The following SAMMSON variants were observed in gnomAD, a reference collection of about 807,000 sequenced individuals.
SAMMSON encodes long intergenic non-protein coding RNA 1212.
At chr3:70,007,334 G>A (rs866451391) in intron 1 of SAMMSON, among the ~76,000 whole-genome samples, 12 of 152,104 alleles carry the variant, frequency 7.9e-5, no homozygotes, top group Non-Finnish European at 1.6e-4. Context: ...TTTAATGATC[G>A]CCATTCTAAC....
intron 7 of SAMMSON, among the ~76,000 whole-genome samples, chr3:70,343,847 A>G (rs1034145269): frequency 4.6e-5 from 7 of 150,836 alleles, no homozygotes; most frequent in Admixed American, 3.3e-4. Flanking sequence ...TTATGTATTC[A>G]TTTATTTATT....
At chr3:70,235,433 C>T (rs1701598032) in intron 4 of SAMMSON, among the ~76,000 whole-genome samples, 1 of 152,156 alleles carries the variant, frequency 6.6e-6, no homozygotes. Flanking sequence ...TTAAACTGAC[C>T]TTTCAAAGCT....
At chr3:70,008,335 G>C (rs529843572) in intron 1 of SAMMSON, among the ~76,000 whole-genome samples, 2 of 152,114 alleles carry the variant, frequency 1.3e-5, no homozygotes, top group African/African-American at 2.4e-5. Flanking sequence ...GCGGTGGTTT[G>C]TAGTTCTCCT....
chr3:70,098,663 G>A (rs1024525525), intron 4 of SAMMSON, among the ~76,000 whole-genome samples: 5 of 152,078 alleles, frequency 3.3e-5, no homozygotes, highest in African/African-American at 7.2e-5. Context: ...CACCACGCCC[G>A]GCCTCTTTTT....
At chr3:70,395,331 CTTT>C (rs71126501) in intron 2 of SAMMSON, among the ~76,000 whole-genome samples, 18 of 113,614 alleles carry the variant, frequency 1.6e-4, no homozygotes, top group African/African-American at 5.6e-4. Context: ...CTCTCTCTCT[CTTT>C]TTTTTTTTTT....
intron 4 of SAMMSON, among the ~76,000 whole-genome samples, chr3:70,240,704 G>A (rs987146976): frequency 2.0e-5 from 3 of 151,986 alleles, no homozygotes; most frequent in African/African-American, 7.3e-5. Context: ...TTTTCACCTG[G>A]CTAAACATGG....
chr3:70,049,290 A>G (rs1243058708), intron 3 of SAMMSON, among the ~76,000 whole-genome samples: 1 of 152,108 alleles, frequency 6.6e-6, no homozygotes, highest in Non-Finnish European at 1.5e-5. Flanking sequence ...CTCACCTAGC[A>G]TTCTCACCAG....
intron 7 of SAMMSON, among the ~76,000 whole-genome samples, chr3:70,324,227 A>AAG (rs3050206): frequency 0.073 from 10,982 of 150,752 alleles, 693 homozygotes; most frequent in East Asian, 0.34. Context: ...CACACACAGA[A>AAG]AGAGAGAGAG....
At chr3:70,149,675 G>A (rs2067563528) in intron 4 of SAMMSON, among the ~76,000 whole-genome samples, 1 of 152,104 alleles carries the variant, frequency 6.6e-6, no homozygotes, top group Non-Finnish European at 1.5e-5. Context: ...CTCTGGACAA[G>A]CTGCCAGAGG....
intron 7 of SAMMSON, among the ~76,000 whole-genome samples, chr3:70,329,775 T>C (rs1362253005): frequency 6.6e-6 from 1 of 151,984 alleles, no homozygotes; most frequent in Non-Finnish European, 1.5e-5. Flanking sequence ...GCTTAAAAAA[T>C]CATTTTATCT....
At chr3:70,189,976 G>A (rs1025943641) in intron 4 of SAMMSON, among the ~76,000 whole-genome samples, 1 of 152,108 alleles carries the variant, frequency 6.6e-6, no homozygotes. Flanking sequence ...TTGTTCCCCT[G>A]GAATATTATA....
chr3:70,415,763 T>A (rs1187405726), intron 2 of SAMMSON, among the ~76,000 whole-genome samples: 3 of 152,202 alleles, frequency 2.0e-5, no homozygotes, highest in Admixed American at 6.5e-5. Context: ...AATACTCCAA[T>A]CCTGCCTGGA....
chr3:70,376,039 G>T (rs1013315490), intron 9 of SAMMSON, among the ~76,000 whole-genome samples: 3 of 152,128 alleles, frequency 2.0e-5, no homozygotes, highest in African/African-American at 7.2e-5. Flanking sequence ...AACATAGGGA[G>T]ACGTTTTCAT....
intron 4 of SAMMSON, among the ~76,000 whole-genome samples, chr3:70,130,422 A>C (rs1447804105): frequency 6.6e-6 from 1 of 152,204 alleles, no homozygotes; most frequent in Non-Finnish European, 1.5e-5. Context: ...GGCAGATGGC[A>C]TTTCCAAAGT....
intron 2 of SAMMSON, among the ~76,000 whole-genome samples, chr3:70,425,391 T>A (rs1701354762): frequency 6.6e-6 from 1 of 151,240 alleles, no homozygotes; most frequent in Non-Finnish European, 1.5e-5. Context: ...TCAAGTTGTC[T>A]ATTTTTTTAT....
chr3:70,333,072 C>T (rs1702633525), intron 7 of SAMMSON, among the ~76,000 whole-genome samples: 1 of 152,112 alleles, frequency 6.6e-6, no homozygotes, highest in Non-Finnish European at 1.5e-5. Flanking sequence ...TCACAAATTC[C>T]TTTATGTTCT....
intron 4 of SAMMSON, among the ~76,000 whole-genome samples, chr3:70,083,609 G>C (rs974568682): frequency 3.3e-5 from 5 of 152,142 alleles, no homozygotes; most frequent in African/African-American, 9.7e-5. Context: ...GCATCAAGGG[G>C]GAGGTCTTCT....
intron 3 of SAMMSON, among the ~76,000 whole-genome samples, chr3:70,024,397 A>G (rs1288744412): frequency 1.3e-5 from 2 of 152,220 alleles, no homozygotes; most frequent in Non-Finnish European, 2.9e-5. Context: ...CTAGTAGATG[A>G]TATTAGACCA....
chr3:70,016,115 T>G (rs1283334848), intron 3 of SAMMSON, among the ~76,000 whole-genome samples: 1 of 152,158 alleles, frequency 6.6e-6, no homozygotes. Flanking sequence ...TATTTCTAGT[T>G]CTAGATCCCT....
Sources: allele counts gnomAD v4.1 joint callset (sites outside exome capture counted in the v4.1 genomes callset), GRCh38; gene constraint gnomAD v4.1.1; transcripts MANE v1.5; gene names NCBI Gene and HGNC (gene_info 2026-07-23, HGNC 2026-07-21).